NMNAT2: variants seen among roughly 807,000 people sequenced by gnomAD.
The protein encoded by NMNAT2 is nicotinamide nucleotide adenylyltransferase 2.
In NMNAT2, 11 loss-of-function variants were observed where a neutral mutation model predicts 41.6. That is an observed-to-expected ratio of 0.26 (90% confidence interval 0.17 to 0.44). The LOEUF (loss-of-function observed/expected upper bound fraction) is 0.44, where lower values mean the gene tolerates loss of function less well. Among genes scored for constraint, NMNAT2 ranks in the 20% least tolerant of loss-of-function variants. The probability of loss-of-function intolerance (pLI) is 1.00; values close to 1 mark genes in which losing one functional copy is unlikely to be tolerated. For missense variants in NMNAT2, 288 were observed against 407.7 expected (o/e 0.71, Z 2.53); for synonymous variants, 148 against 151.2 (o/e 0.98, Z 0.16).
intron 1 of NMNAT2, among the ~76,000 whole-genome samples, chr1:183,326,619 T>C (rs1662470220): frequency 6.6e-6 from 1 of 152,062 alleles, no homozygotes; most frequent in Non-Finnish European, 1.5e-5. Flanking sequence ...GAGTGGTCAA[T>C]AGGCACCATA....
chr1:183,347,317 A>T (rs1662952188), intron 1 of NMNAT2, among the ~76,000 whole-genome samples: 1 of 152,094 alleles, frequency 6.6e-6, no homozygotes, highest in Non-Finnish European at 1.5e-5. Flanking sequence ...TTAGCTGGGC[A>T]TGGTGGTGCA....
intron 4 of NMNAT2, among the ~76,000 whole-genome samples, chr1:183,287,099 T>C (rs1182947449): frequency 2.0e-5 from 3 of 152,088 alleles, no homozygotes; most frequent in South Asian, 2.1e-4. Context: ...TCTAACCATA[T>C]ATCTGTCTTT....
chr1:183,408,469 A>C (rs1319686283), intron 1 of NMNAT2, among the ~76,000 whole-genome samples: 2 of 152,210 alleles, frequency 1.3e-5, no homozygotes, highest in African/African-American at 4.8e-5. Context: ...GCAGGCCTTA[A>C]AAAATCGGGT....
intron 7 of NMNAT2, 49 bp downstream of exon 7, chr1:183,283,946 A>G (rs975879876): frequency 3.2e-6 from 5 of 1,586,064 alleles, no homozygotes; most frequent in Non-Finnish European, 4.3e-6. Flanking sequence ...TCGTGAAGGC[A>G]GGGAGCTCCA....
intron 1 of NMNAT2, among the ~76,000 whole-genome samples, chr1:183,343,530 C>T (rs1331667981): frequency 2.0e-5 from 3 of 152,170 alleles, no homozygotes; most frequent in Non-Finnish European, 2.9e-5. Context: ...CACTAGAATG[C>T]AATTTCTATG....
chr1:183,292,983 T>C (rs958018589), intron 2 of NMNAT2, 126 bp from the exon 3 acceptor site: 2 of 845,934 alleles, frequency 2.4e-6, no homozygotes, highest in South Asian at 3.0e-5. Context: ...GAATGAAGAA[T>C]GTGACCCCTT....
At chr1:183,417,872 C>G (rs1649299568) in intron 1 of NMNAT2, among the ~76,000 whole-genome samples, 2 of 152,164 alleles carry the variant, frequency 1.3e-5, no homozygotes, top group South Asian at 4.1e-4. Flanking sequence ...AACCACCGCA[C>G]CGCCACACTC....
intron 8 of NMNAT2, among the ~76,000 whole-genome samples, chr1:183,276,464 C>A (rs1453466458): frequency 6.6e-6 from 1 of 152,166 alleles, no homozygotes; most frequent in Non-Finnish European, 1.5e-5. Context: ...GACCGGTGAT[C>A]TAAGTCAGCA....
In NMNAT2 at chr1:183,375,128, C is replaced by T. The variant is rs550157923; in HGVS notation, c.85+43055G>A. On this transcript the variant is annotated intron_variant, in intron 1 of 10. Coordinates refer to ENST00000287713, the MANE Select transcript of NMNAT2 (RefSeq NM_015039.4). ...TCCTAACTCATGCCCCTACCCCCAT[C>T]GGCTTTGTCTCTCCTTTGTCCTCCA... 3.3e-5 allele frequency among the ~76,000 whole-genome samples: 5 copies of T among 152,292 alleles called. No homozygotes were observed. The East Asian group carries it at 9.6e-4, about 29-fold the overall frequency.
chr1:183,276,121 G>A (rs1048614146), intron 8 of NMNAT2, among the ~76,000 whole-genome samples: 1 of 152,202 alleles, frequency 6.6e-6, no homozygotes, highest in Non-Finnish European at 1.5e-5. Flanking sequence ...AATGGGATAG[G>A]AGAATCCCTC....
intron 1 of NMNAT2, among the ~76,000 whole-genome samples, chr1:183,387,246 T>C (rs796325633): frequency 8.6e-5 from 13 of 151,856 alleles, no homozygotes; most frequent in African/African-American, 3.1e-4. Context: ...TGTGTTTTTT[T>C]TTTTTGCCTG....
chr1:183,257,347 A>G (rs1032020960), intron 10 of NMNAT2, among the ~76,000 whole-genome samples: 1 of 152,084 alleles, frequency 6.6e-6, no homozygotes, highest in Non-Finnish European at 1.5e-5. Context: ...AGGCTGAGGC[A>G]GGAGAATCAC....
chr1:183,264,862 T>A (rs541096081), intron 8 of NMNAT2, among the ~76,000 whole-genome samples: 1 of 152,106 alleles, frequency 6.6e-6, no homozygotes, highest in African/African-American at 2.4e-5. Flanking sequence ...GCCCTACCTC[T>A]CTGGCTGCTG....
intron 8 of NMNAT2, among the ~76,000 whole-genome samples, chr1:183,277,454 G>T (rs1661149665): frequency 6.9e-6 from 1 of 145,972 alleles, no homozygotes; most frequent in South Asian, 2.2e-4. Context: ...GGCAGAGGTT[G>T]CAGTGAGCCG....
intron 7 of NMNAT2, chr1:183,283,120 C>T (rs1342955278): frequency 6.6e-6 from 1 of 152,216 alleles, no homozygotes; most frequent in East Asian, 1.9e-4. Context: ...CAAACCCTGC[C>T]TCTCAGGATT....
At chr1:183,379,565 G>A (rs946060925) in intron 1 of NMNAT2, among the ~76,000 whole-genome samples, 1 of 152,114 alleles carries the variant, frequency 6.6e-6, no homozygotes, top group Non-Finnish European at 1.5e-5. Flanking sequence ...CTAACTAAAA[G>A]AAAGCTGGAA....
chr1:183,287,873 A>G (rs751825027), intron 4 of NMNAT2, among the ~76,000 whole-genome samples: 17 of 152,184 alleles, frequency 1.1e-4, no homozygotes, highest in Non-Finnish European at 1.2e-4. Flanking sequence ...AGAGCAGTGT[A>G]TGAGTCCTTC....
chr1:183,362,683 TG>T (rs1663331101), intron 1 of NMNAT2, among the ~76,000 whole-genome samples: 2 of 152,340 alleles, frequency 1.3e-5, no homozygotes, highest in Non-Finnish European at 2.9e-5. Flanking sequence ...GTATTTGGGT[TG>T]TTTTTTTCCT....
At chr1:183,262,105 T>C (rs1044529783) in intron 8 of NMNAT2, among the ~76,000 whole-genome samples, 4 of 151,834 alleles carry the variant, frequency 2.6e-5, no homozygotes, top group African/African-American at 4.8e-5. Context: ...TTTTTAATTA[T>C]TTTTTTGAAG....
Sources: gnomAD v4.1 joint callset for allele counts (sites outside exome capture counted in the v4.1 genomes callset) on GRCh38, gnomAD v4.1.1 for gene constraint, MANE v1.5 for transcripts, NCBI Gene and HGNC (gene_info 2026-07-23, HGNC 2026-07-21) for gene names.